Variants in NAAA observed in about 807,000 individuals in gnomAD.
NAAA encodes the protein N-acylethanolamine-hydrolyzing acid amidase.
In NAAA, 39 loss-of-function variants were observed where a neutral mutation model predicts 44.8. The ratio of observed to expected loss-of-function variants is 0.87; its 90% confidence interval spans 0.67 to 1.14. The LOEUF is 1.14. NAAA is among the 50% of genes most tolerant of loss of function. The pLI is 0.00. For synonymous variants in NAAA, 178 were observed against 191.3 expected (o/e 0.93, Z 0.58); for missense variants, 460 against 467.8 (o/e 0.98, Z 0.15).
At chr4:75,935,064 T>C (rs1727589333) in intron 3 of NAAA, 1 of 152,252 alleles carries the variant, frequency 6.6e-6, no homozygotes, top group African/African-American at 2.4e-5. Context: ...GAATTTATTA[T>C]GCATTTATAT....
chr4:75,936,766 C>T (rs1028325924), intron 2 of NAAA, among the ~76,000 whole-genome samples: 13 of 152,200 alleles, frequency 8.5e-5, no homozygotes, highest in African/African-American at 2.9e-4. Context: ...CTCTCTCCAG[C>T]TCCTTGCACA....
At chr4:75,923,888 T>C (rs549417596) in intron 5 of NAAA, among the ~76,000 whole-genome samples, 1 of 152,260 alleles carries the variant, frequency 6.6e-6, no homozygotes, top group East Asian at 1.9e-4. Context: ...GCAGGCAACA[T>C]GGCACCAGCC....
At chr4:75,933,799 C>T (rs1397047554) in intron 3 of NAAA, among the ~76,000 whole-genome samples, 1 of 151,856 alleles carries the variant, frequency 6.6e-6, no homozygotes. Flanking sequence ...CTTTGGGAGG[C>T]CGAGGCGGGT....
At chr4:75,928,827 G>A (rs755803040) in intron 4 of NAAA, among the ~76,000 whole-genome samples, 11 of 147,874 alleles carry the variant, frequency 7.4e-5, no homozygotes, top group Non-Finnish European at 1.5e-4. Flanking sequence ...TCGCTCTGTC[G>A]CCCATGCTGG....
chr4:75,940,284 C>CA (rs1728140550), intron 1 of NAAA, 119 bp from the exon 2 acceptor site: 1 of 1,113,042 alleles, frequency 9.0e-7, no homozygotes, highest in Non-Finnish European at 1.3e-6. Context: ...CACTGCTCCC[C>CA]AGTCAGTGGA....
Position 75,925,734 on chromosome 4 carries a change from C to A in NAAA, c.666+1G>T, listed in dbSNP as rs757359862. The A allele has an allele frequency of 6.2e-7, 1 of 1,614,168 alleles. No homozygotes were observed. Among genetic ancestry groups the A allele is most frequent in the Admixed American group, 1.7e-5 (1 of 60,030 alleles). On this transcript the variant is annotated splice_donor_variant, in intron 5 of 10. Coordinates refer to ENST00000286733, the MANE Select transcript of NAAA (RefSeq NM_014435.4). LOFTEE classifies it high-confidence loss of function. The stretch of plus-strand genomic sequence containing the variant: ...GAGGGCTCCACATTAAATATACTCA[C>A]AGCGCGGATCAGCCAGCTGACGGGA...
At chr4:75,927,801 A>G (rs72651379) in intron 4 of NAAA, among the ~76,000 whole-genome samples, 18,536 of 151,852 alleles carry the variant, frequency 0.12, 1,528 homozygotes, top group African/African-American at 0.23. Context: ...CAAACAAAAA[A>G]AAATGGGCAA....
At chr4:75,933,049 C>T (rs933093770) in intron 3 of NAAA, among the ~76,000 whole-genome samples, 2 of 150,696 alleles carry the variant, frequency 1.3e-5, no homozygotes, top group Admixed American at 6.6e-5. Flanking sequence ...GCAGGAGAAT[C>T]GCTTGAACCC....
chr4:75,925,426 CT>C (rs1040487800), intron 5 of NAAA, among the ~76,000 whole-genome samples: 1 of 152,134 alleles, frequency 6.6e-6, no homozygotes, highest in African/African-American at 2.4e-5. Context: ...TCTGACTATC[CT>C]AAGCTCCTTG....
At chr4:75,933,361 T>A (rs1727415117) in intron 3 of NAAA, among the ~76,000 whole-genome samples, 1 of 152,150 alleles carries the variant, frequency 6.6e-6, no homozygotes, top group African/African-American at 2.4e-5. Flanking sequence ...CTTAGCTTTA[T>A]AAATGACCTC....
At chr4:75,939,131 G>T (rs997587372) in intron 2 of NAAA, among the ~76,000 whole-genome samples, 2 of 152,144 alleles carry the variant, frequency 1.3e-5, no homozygotes, top group Non-Finnish European at 2.9e-5. Context: ...GGGATTACAG[G>T]CGTGAGCCAC....
chr4:75,922,234 CT>C (rs1223788061), intron 5 of NAAA, among the ~76,000 whole-genome samples: 1 of 151,890 alleles, frequency 6.6e-6, no homozygotes, highest in Non-Finnish European at 1.5e-5. Flanking sequence ...CATGGCAGGG[CT>C]TTGTAGAGTT....
Position 75,916,980 on chromosome 4 carries a change from A to T in NAAA, c.998+1781T>A, listed in dbSNP as rs1578034676. 1.1e-5 allele frequency: 3 copies of T among 271,056 alleles called. No individual in the cohort carries two copies. In the East Asian group the frequency reaches 5.3e-4, roughly 48 times the overall value. The allele number at this position is 271,056 out of a possible 1,614,324, so 16.8% of individuals were successfully genotyped here. A position where few individuals can be genotyped will look rare whatever the true frequency, so the allele number is the denominator to read the frequency against. On this transcript the variant is annotated intron_variant, in intron 9 of 10. Transcript: ENST00000286733. Reference sequence around the variant, plus strand: ...TTTTTAGTAGAGATGAGGTTTCACCATGTTGGCCAGGCTGGTCTCGAACTC... The same window carrying T: ...TTTTTAGTAGAGATGAGGTTTCACCTTGTTGGCCAGGCTGGTCTCGAACTC...
intron 2 of NAAA, among the ~76,000 whole-genome samples, chr4:75,936,732 T>C (rs1727751726): frequency 6.6e-6 from 1 of 152,236 alleles, no homozygotes; most frequent in Non-Finnish European, 1.5e-5. Flanking sequence ...GGCTGGCTCT[T>C]AAGGGACTTG....
intron 2 of NAAA, among the ~76,000 whole-genome samples, chr4:75,939,025 G>A (rs1283439219): frequency 6.6e-6 from 1 of 152,024 alleles, no homozygotes; most frequent in Middle Eastern, 3.2e-3. Context: ...TAATTTTTTT[G>A]TATTATTAGT....
intron 3 of NAAA, among the ~76,000 whole-genome samples, chr4:75,932,905 T>C (rs28651740): frequency 0.77 from 116,733 of 151,980 alleles, 45,320 homozygotes; most frequent in African/African-American, 0.85. Flanking sequence ...GAGGCCAAGG[T>C]AGGCGGATCA....
At chr4:75,915,508 TG>T (rs1411206973) in intron 9 of NAAA, among the ~76,000 whole-genome samples, 1 of 152,140 alleles carries the variant, frequency 6.6e-6, no homozygotes, top group African/African-American at 2.4e-5. Flanking sequence ...AGCAAGCACC[TG>T]CCCCTGTGCT....
rs765248546 is a variant in NAAA at position 75,936,108 on chromosome 4, C to A, written c.498+1G>T. The A allele has an allele frequency of 1.2e-6, 2 of 1,613,926 alleles. 1 individual carries two copies. The highest frequency in any genetic ancestry group is 3.3e-4 in the Middle Eastern group (2 of 6,062). ...TTTATCTTATATGGTACGGATTATA[C>A]CTGCCCATTCTTTAAGAATTGCACA... is the stretch of plus-strand genomic sequence containing the variant. On this transcript the variant is annotated splice_donor_variant, in intron 3 of 10. Coordinates refer to ENST00000286733, the MANE Select transcript of NAAA (RefSeq NM_014435.4). LOFTEE classifies it high-confidence loss of function.
chr4:75,927,659 T>C (rs1407580118), intron 4 of NAAA, among the ~76,000 whole-genome samples: 4 of 37,926 alleles, frequency 1.1e-4, no homozygotes, highest in Non-Finnish European at 1.4e-4. Flanking sequence ...CCAAAAAAAA[T>C]AGCTAGAATT....
Sources: allele counts gnomAD v4.1 joint callset (sites outside exome capture counted in the v4.1 genomes callset), GRCh38; gene constraint gnomAD v4.1.1; transcripts MANE v1.5; gene names NCBI Gene and HGNC (gene_info 2026-07-23, HGNC 2026-07-21).